The following FLNB variants were observed in gnomAD, a reference collection of about 807,000 sequenced individuals.
FLNB encodes the protein filamin B.
In FLNB, 111 loss-of-function variants were observed where a neutral mutation model predicts 250.6. That is an observed-to-expected ratio of 0.44 (90% confidence interval 0.38 to 0.52). The LOEUF (loss-of-function observed/expected upper bound fraction) is 0.52. Ranked by LOEUF, FLNB falls within the 20% of genes least tolerant of loss-of-function variation. FLNB has a pLI of 0.00. For missense variants in FLNB, 2,869 were observed against 3,447.8 expected (o/e 0.83, Z 4.20); for synonymous variants, 1,302 against 1,372.1 (o/e 0.95, Z 1.13).
At chr3:58,167,878 G>C (rs888380835) in intron 43 of FLNB, among the ~76,000 whole-genome samples, 4 of 152,270 alleles carry the variant, frequency 2.6e-5, no homozygotes, top group Non-Finnish European at 5.9e-5. Context: ...GGGAGCTGCT[G>C]TTCTGTTCCT....
chr3:58,024,524 T>C (rs2097119933), intron 1 of FLNB, among the ~76,000 whole-genome samples: 2 of 151,916 alleles, frequency 1.3e-5, no homozygotes, highest in Admixed American at 6.6e-5. Flanking sequence ...AGAAGCAATC[T>C]AATTATCTAG....
At chr3:58,037,058 CTTTTT>C (rs549716136) in intron 1 of FLNB, among the ~76,000 whole-genome samples, 3 of 103,594 alleles carry the variant, frequency 2.9e-5, no homozygotes, top group Non-Finnish European at 4.0e-5. Context: ...ACATTAGAGT[CTTTTT>C]TTTTTTTTTT....
intron 1 of FLNB, among the ~76,000 whole-genome samples, chr3:58,046,345 C>T (rs2097154123): frequency 6.6e-6 from 1 of 152,146 alleles, no homozygotes; most frequent in Non-Finnish European, 1.5e-5. Flanking sequence ...CCCCCAAAAC[C>T]AGCTTTACTG....
rs138997211 is a variant in FLNB at position 58,097,838 on chromosome 3, G to A, written c.1008G>A (p.Gln336=). The stretch of plus-strand genomic sequence containing the variant: ...AGGTCACAGTCCTCTTTGCAGGACA[G>A]CACATCTCCAAGAGCCCATTTGAAG... ...LHKVTVLFAG[Q]HISKSPFEVS... The change falls in exon 7 of 46, where the codon CAG becomes CAA. Residue 336 remains glutamine, a synonymous_variant. Transcript: ENST00000295956. 5.6e-6 allele frequency: 9 copies of A among 1,613,984 alleles called. No individual in the cohort carries two copies. In the African/African-American group the frequency reaches 1.2e-4, roughly 22 times the overall value.
chr3:58,152,581 G>A (rs557637093), intron 38 of FLNB: 3 of 291,376 alleles, frequency 1.0e-5, no homozygotes, highest in South Asian at 7.4e-5. Context: ...CCTCCTCAAG[G>A]CCCATGATAA....
rs113819433 is a variant in FLNB, at chr3:58,060,353, T to TC, written c.293-16693_293-16692insC. ...GCAACATGGTGAGACCCTGTCTCTC[T>TC]TTTTTTTTTTTTTTTTTTGAGATGG... On this transcript the variant is annotated intron_variant, in intron 1 of 45. Coordinates refer to ENST00000295956, the MANE Select transcript of FLNB (RefSeq NM_001457.4). Among the ~76,000 whole-genome samples, 149 of 63,848 alleles carry TC rather than the reference T, an allele frequency of 2.3e-3. 10 individuals are homozygous for TC. Among genetic ancestry groups the TC allele is most frequent in the East Asian group, 0.014 (22 of 1,620 alleles). The allele number at this position is 63,848 out of a possible 152,430, so 41.9% of individuals were successfully genotyped here.
At chr3:58,162,166 C>T (rs1575475564) in intron 42 of FLNB, among the ~76,000 whole-genome samples, 2 of 152,220 alleles carry the variant, frequency 1.3e-5, no homozygotes, top group East Asian at 1.9e-4. Context: ...TGGAGGTGCA[C>T]CTCTGTGGAG....
At chr3:58,051,673 C>T (rs1576637083) in intron 1 of FLNB, among the ~76,000 whole-genome samples, 1 of 117,284 alleles carries the variant, frequency 8.5e-6, no homozygotes, top group East Asian at 2.6e-4. Flanking sequence ...TTGGGGAGGG[C>T]AGTTTTTTTG....
At chr3:58,023,094 G>C (rs2097116563) in intron 1 of FLNB, among the ~76,000 whole-genome samples, 1 of 145,036 alleles carries the variant, frequency 6.9e-6, no homozygotes, top group Non-Finnish European at 1.5e-5. Flanking sequence ...GATCAGGCTT[G>C]AGCCACCGAA....
intron 4 of FLNB, among the ~76,000 whole-genome samples, chr3:58,086,535 C>T (rs1284499486): frequency 1.3e-5 from 2 of 152,100 alleles, no homozygotes; most frequent in South Asian, 2.1e-4. Context: ...GGGAAGGCTA[C>T]CTTTTAAAAT....
At chr3:58,116,409 A>G (rs964410020) in intron 18 of FLNB, among the ~76,000 whole-genome samples, 5 of 152,114 alleles carry the variant, frequency 3.3e-5, no homozygotes, top group African/African-American at 1.2e-4. Flanking sequence ...CTTCCCCCTC[A>G]GAACACAGGC....
intron 10 of FLNB, 147 bp from the exon 11 acceptor site, chr3:58,104,933 G>A: frequency 1.0e-6 from 1 of 975,068 alleles, no homozygotes. Context: ...TGAGAGGCCT[G>A]CAGGAGGAAG....
chr3:58,044,299 T>C (rs1300806708), intron 1 of FLNB, among the ~76,000 whole-genome samples: 1 of 152,098 alleles, frequency 6.6e-6, no homozygotes, highest in Non-Finnish European at 1.5e-5. Flanking sequence ...AAGTCCAAGA[T>C]GATGATAAAT....
intron 25 of FLNB, chr3:58,132,274 C>T: frequency 6.1e-6 from 3 of 495,794 alleles, no homozygotes; most frequent in Non-Finnish European, 1.1e-5. Context: ...TGAGGGTCCC[C>T]TTGCCCCATG....
Position 58,136,178 on chromosome 3 carries a change from G to C in FLNB, c.4861+10G>C. ...AAGTGCCTGGCCACGGGTGAGTACA[G>C]GGCATCTCAAGGTCAGGGGCACAGG... On this transcript the variant is annotated intron_variant, in intron 28 of 45. Transcript: ENST00000295956. The C allele has an allele frequency of 4.3e-6, 7 of 1,614,072 alleles. No individual in the cohort carries two copies. The highest frequency in any genetic ancestry group is 5.9e-6 in the Non-Finnish European group (7 of 1,179,962).
At chr3:58,137,335 A>G (rs2097317887) in intron 28 of FLNB, among the ~76,000 whole-genome samples, 2 of 152,230 alleles carry the variant, frequency 1.3e-5, no homozygotes, top group South Asian at 4.1e-4. Context: ...GCTGCCAGCG[A>G]CAACCAGATC....
At chr3:58,101,379 A>C (rs1339315482) in intron 8 of FLNB, among the ~76,000 whole-genome samples, 2 of 152,210 alleles carry the variant, frequency 1.3e-5, no homozygotes, top group African/African-American at 4.8e-5. Flanking sequence ...CTATTTACTG[A>C]AAAGGTTGTC....
intron 1 of FLNB, among the ~76,000 whole-genome samples, chr3:58,035,506 A>G (rs750026948): frequency 1.3e-5 from 2 of 152,132 alleles, no homozygotes; most frequent in Non-Finnish European, 2.9e-5. Flanking sequence ...CCCACCCCCA[A>G]CTTTTTTAAG....
At chr3:58,035,625 C>G (rs1437406107) in intron 1 of FLNB, among the ~76,000 whole-genome samples, 1 of 152,076 alleles carries the variant, frequency 6.6e-6, no homozygotes, top group African/African-American at 2.4e-5. Context: ...GTGACTCTCC[C>G]CAATTAAAAA....
Sources: gnomAD v4.1 joint callset for allele counts (sites outside exome capture counted in the v4.1 genomes callset) on GRCh38, gnomAD v4.1.1 for gene constraint, MANE v1.5 for transcripts, NCBI Gene and HGNC (gene_info 2026-07-23, HGNC 2026-07-21) for gene names.